The following NRG1 variants were observed in gnomAD, a reference collection of about 807,000 sequenced individuals.
NRG1 encodes pro-neuregulin-1, membrane-bound isoform.
Under a neutral mutation model 63.8 loss-of-function variants are expected in NRG1, and 18 were observed. The observed-to-expected ratio is 0.28, with a 90% CI of 0.19 to 0.42. The LOEUF is 0.42. Ranked by LOEUF, NRG1 falls within the 10% of genes least tolerant of loss-of-function variation. NRG1 has a pLI of 1.00. For missense variants in NRG1, 762 were observed against 814.7 expected (o/e 0.94, Z 0.79); for synonymous variants, 302 against 301.3 (o/e 1.00, Z -0.02).
At chr8:32,679,364 G>C (rs986263845) in intron 5 of NRG1, among the ~76,000 whole-genome samples, 1 of 152,110 alleles carries the variant, frequency 6.6e-6, no homozygotes, top group Non-Finnish European at 1.5e-5. Flanking sequence ...TAGTTTTAAT[G>C]TTATAAATGA....
chr8:31,640,327 C>G lies in NRG1; in HGVS notation c.37+896C>G. ...CGAGGCAGGGGCGTGGGGCGGCGAT[C>G]GCGAGCCGCCAGCCGCGGGCCCACG... On this transcript the variant is annotated intron_variant, in intron 1 of 10. Coordinates refer to the NRG1 transcript ENST00000519301. This position sits in a 1 kb window ranked among gnomAD's most constrained non-coding sequence, Gnocchi z 6.3. 1 of 1,173,402 alleles carries G rather than the reference C, an allele frequency of 8.5e-7. No individual in the cohort carries two copies. Among genetic ancestry groups the G allele is most frequent in the Non-Finnish European group, 1.1e-6 (1 of 951,544 alleles). The allele number at this position is 1,173,402 out of a possible 1,614,324, so 72.7% of individuals were successfully genotyped here.
chr8:31,993,171 T>C (rs548235213), intron 1 of NRG1, among the ~76,000 whole-genome samples: 1 of 152,148 alleles, frequency 6.6e-6, no homozygotes, highest in Non-Finnish European at 1.5e-5. Flanking sequence ...TTGATCAGTG[T>C]AGGTTTAATG....
downstream of NRG1, among the ~76,000 whole-genome samples, chr8:32,768,885 C>A (rs902705039): frequency 6.6e-6 from 1 of 152,172 alleles, no homozygotes; most frequent in Non-Finnish European, 1.5e-5. Flanking sequence ...ATTCCTATTA[C>A]CTAGTTATGG....
intron 1 of NRG1, among the ~76,000 whole-genome samples, chr8:32,339,893 C>CT (rs1378139447): frequency 1.3e-5 from 2 of 152,012 alleles, no homozygotes; most frequent in African/African-American, 4.8e-5. Context: ...ATTGTTTCTA[C>CT]TTTTTTTTAA....
At chr8:32,179,794 T>A (rs190789058) in intron 1 of NRG1, among the ~76,000 whole-genome samples, 219 of 152,346 alleles carry the variant, frequency 1.4e-3, no homozygotes, top group African/African-American at 5.1e-3. Flanking sequence ...TGTATCATTT[T>A]ACTTTCCTCT....
intron 1 of NRG1, among the ~76,000 whole-genome samples, chr8:31,973,251 T>C (rs1204161435): frequency 6.6e-6 from 1 of 152,218 alleles, no homozygotes; most frequent in Non-Finnish European, 1.5e-5. Flanking sequence ...CTTTTGGGCT[T>C]TGTTTTAAAA....
intron 1 of NRG1, among the ~76,000 whole-genome samples, chr8:32,200,338 A>C (rs1173674215): frequency 6.6e-6 from 1 of 152,126 alleles, no homozygotes; most frequent in Non-Finnish European, 1.5e-5. Flanking sequence ...AGAGTGCTTT[A>C]GTTGTTCTCT....
At chr8:32,210,901 G>A (rs1844640999) in intron 1 of NRG1, among the ~76,000 whole-genome samples, 1 of 152,066 alleles carries the variant, frequency 6.6e-6, no homozygotes, top group South Asian at 2.1e-4. Context: ...CCAAGAAAAG[G>A]GAAGAGAAAC....
At chr8:31,954,824 A>G (rs1416311168) in intron 1 of NRG1, among the ~76,000 whole-genome samples, 3 of 152,178 alleles carry the variant, frequency 2.0e-5, no homozygotes, top group Admixed American at 6.5e-5. Context: ...GTCAATTCAC[A>G]ACTTTGAATT....
chr8:32,339,851 GCTAAATAGT>G (rs1207949110), intron 1 of NRG1, among the ~76,000 whole-genome samples: 2 of 152,100 alleles, frequency 1.3e-5, no homozygotes, highest in African/African-American at 4.8e-5. Context: ...GCCTTGAAAT[GCTAAATAGT>G]CTACATAGGA....
At chr8:32,717,188 A>G (rs1819463477) in intron 5 of NRG1, among the ~76,000 whole-genome samples, 1 of 152,140 alleles carries the variant, frequency 6.6e-6, no homozygotes, top group Non-Finnish European at 1.5e-5. Flanking sequence ...CATTTTCTTT[A>G]GAGAAGCAAG....
chr8:32,420,260 T>C (rs1276261359), intron 1 of NRG1, among the ~76,000 whole-genome samples: 1 of 152,150 alleles, frequency 6.6e-6, no homozygotes, highest in Non-Finnish European at 1.5e-5. Flanking sequence ...CCACTTCCCT[T>C]GGGGGTTGTT....
At chr8:32,447,009 T>TTATTTATG (rs1312043561) in intron 1 of NRG1, among the ~76,000 whole-genome samples, 1 of 150,574 alleles carries the variant, frequency 6.6e-6, no homozygotes, top group African/African-American at 2.4e-5. Flanking sequence ...TTTTATTTAT[T>TTATTTATG]TATTTATTTA....
chr8:32,337,627 G>A (rs1028200833), intron 1 of NRG1, among the ~76,000 whole-genome samples: 2 of 77,370 alleles, frequency 2.6e-5, no homozygotes, highest in African/African-American at 9.5e-5. Flanking sequence ...GACCCTAAGT[G>A]GCTGAAGGAA....
At chr8:31,771,689 A>G (rs1407029912) in intron 1 of NRG1, among the ~76,000 whole-genome samples, 7 of 152,162 alleles carry the variant, frequency 4.6e-5, no homozygotes, top group African/African-American at 1.7e-4. Flanking sequence ...CCCAAGTTCT[A>G]AAAAACCCAC....
chr8:32,738,719 T>C (rs755396900), intron 6 of NRG1, among the ~76,000 whole-genome samples: 3 of 152,218 alleles, frequency 2.0e-5, no homozygotes, highest in African/African-American at 4.8e-5. Flanking sequence ...CAACTGGGTT[T>C]TCATTTGCAT....
chr8:32,268,546 C>T (rs924668578), intron 1 of NRG1, among the ~76,000 whole-genome samples: 1 of 152,028 alleles, frequency 6.6e-6, no homozygotes, highest in African/African-American at 2.4e-5. Flanking sequence ...CACCTCTGCC[C>T]CTCTCCCTAT....
intron 1 of NRG1, among the ~76,000 whole-genome samples, chr8:31,828,235 T>G (rs530924794): frequency 2.0e-5 from 3 of 152,180 alleles, no homozygotes; most frequent in Non-Finnish European, 4.4e-5. Context: ...CCTGTAGAAT[T>G]TACATTACAA....
At position 32,093,081 on chromosome 8, in the gene NRG1, G is replaced by T. The variant is rs543535241; in HGVS notation, c.37+453650G>T. Among the ~76,000 whole-genome samples, 21 of 152,290 alleles carry T rather than the reference G, an allele frequency of 1.4e-4. 1 individual carries two copies. The highest frequency in any genetic ancestry group is 2.2e-4 in the Non-Finnish European group (15 of 68,026). ...AAGAAAGAGAGATCAGACTGTTATT[G>T]TGTCTATGTAGAAAGAAGTAGACGT... On this transcript the variant is annotated intron_variant, in intron 1 of 10. Coordinates refer to the NRG1 transcript ENST00000519301.
Sources: gnomAD v4.1 joint callset for allele counts (sites outside exome capture counted in the v4.1 genomes callset) on GRCh38, gnomAD v4.1.1 for gene constraint, Gnocchi (gnomAD v3.1) non-coding constraint, MANE v1.5 for transcripts, NCBI Gene and HGNC (gene_info 2026-07-23, HGNC 2026-07-21) for gene names.